The following IQCM variants were observed in gnomAD, a reference collection of about 807,000 sequenced individuals.
IQCM encodes the protein IQ motif containing M, also known as IQ domain-containing protein M.
IQCM carries 45 observed loss-of-function variants against 57.6 expected under a neutral mutation model. The observed-to-expected ratio is 0.78, with a 90% confidence interval of 0.62 to 1.00. The LOEUF (loss-of-function observed/expected upper bound fraction) is 1.00, where lower values mean the gene tolerates loss of function less well. Among genes scored for constraint, IQCM ranks in the 50% least tolerant of loss-of-function variants. The pLI is 0.00. For synonymous variants in IQCM, 148 were observed against 158.9 expected (o/e 0.93, Z 0.51); for missense variants, 468 against 511.6 (o/e 0.91, Z 0.82).
intron 7 of IQCM, among the ~76,000 whole-genome samples, chr4:149,635,217 A>G (rs984409788): frequency 9.2e-5 from 14 of 152,218 alleles, no homozygotes; most frequent in African/African-American, 3.4e-4. Context: ...GCAAGGAGGC[A>G]TATCTCAGCA....
intron 2 of IQCM, among the ~76,000 whole-genome samples, chr4:149,814,943 T>C (rs1185535286): frequency 6.6e-6 from 1 of 152,000 alleles, no homozygotes; most frequent in Non-Finnish European, 1.5e-5. Flanking sequence ...TAAAAATCTA[T>C]ATGTAAAAGA....
At chr4:149,461,968 TG>T (rs1738342400) in intron 12 of IQCM, among the ~76,000 whole-genome samples, 1 of 152,118 alleles carries the variant, frequency 6.6e-6, no homozygotes, top group African/African-American at 2.4e-5. Context: ...GTCTGTGGCC[TG>T]GGGGTTGGGG....
Position 149,581,437 on chromosome 4 carries a change from A to G in IQCM, c.749+6493T>C, listed in dbSNP as rs993271257. The stretch of plus-strand genomic sequence containing the variant: ...ACAGGTCTATCTCCCTTCTATGCCC[A>G]GAATCCCTGAAAATGACTACTTTTC... On this transcript the variant is annotated intron_variant, in intron 9 of 13. Coordinates refer to ENST00000636793, the MANE Select transcript of IQCM (RefSeq NM_001363507.2). Among the ~76,000 whole-genome samples the G allele has an allele frequency of 2.6e-5, 4 of 151,772 alleles. No homozygotes were observed. In the East Asian group the frequency reaches 7.8e-4, roughly 30 times the overall value.
At chr4:149,772,434 G>C (rs1238845968) in intron 2 of IQCM, among the ~76,000 whole-genome samples, 1 of 152,050 alleles carries the variant, frequency 6.6e-6, no homozygotes. Context: ...CAGAAAAATA[G>C]AAATGTGCAA....
At chr4:149,483,688 C>T (rs1369125937) in intron 12 of IQCM, among the ~76,000 whole-genome samples, 1 of 151,970 alleles carries the variant, frequency 6.6e-6, no homozygotes, top group Non-Finnish European at 1.5e-5. Context: ...TGTGACGTAA[C>T]ATATGGTCTC....
intron 12 of IQCM, among the ~76,000 whole-genome samples, chr4:149,436,840 T>G (rs1363278283): frequency 6.6e-6 from 1 of 152,142 alleles, no homozygotes; most frequent in Non-Finnish European, 1.5e-5. Context: ...ATATGCAATA[T>G]CTGAAGTTTT....
At chr4:149,748,919 A>C (rs1768183624) in intron 2 of IQCM, among the ~76,000 whole-genome samples, 1 of 152,366 alleles carries the variant, frequency 6.6e-6, no homozygotes, top group African/African-American at 2.4e-5. Flanking sequence ...TCAATGAAAA[A>C]TACAGGCAGT....
intron 12 of IQCM, among the ~76,000 whole-genome samples, chr4:149,445,110 G>A (rs536970231): frequency 6.6e-6 from 1 of 151,950 alleles, no homozygotes; most frequent in South Asian, 2.1e-4. Context: ...ACATTTTGGT[G>A]ACAATCAGCT....
chr4:149,761,217 A>T (rs551610681), intron 2 of IQCM, among the ~76,000 whole-genome samples: 76 of 152,270 alleles, frequency 5.0e-4, no homozygotes, highest in African/African-American at 1.8e-3. Flanking sequence ...AAAAAATCAT[A>T]AAAATCCCCT....
chr4:149,601,281 A>G (rs1754268703), intron 8 of IQCM, among the ~76,000 whole-genome samples: 1 of 152,166 alleles, frequency 6.6e-6, no homozygotes. Context: ...CACATAGAGT[A>G]GACAGGGCCA....
At chr4:149,455,134 C>G (rs566442677) in intron 12 of IQCM, among the ~76,000 whole-genome samples, 1 of 152,124 alleles carries the variant, frequency 6.6e-6, no homozygotes, top group Non-Finnish European at 1.5e-5. Context: ...ATGTATGATA[C>G]GTTTATTAGA....
intron 7 of IQCM, among the ~76,000 whole-genome samples, chr4:149,639,251 A>T (rs892978210): frequency 6.6e-6 from 1 of 151,920 alleles, no homozygotes; most frequent in African/African-American, 2.4e-5. Flanking sequence ...ACACAGGGAG[A>T]CCTGTCTCTA....
intron 2 of IQCM, among the ~76,000 whole-genome samples, chr4:149,803,716 T>C (rs901588167): frequency 1.3e-5 from 2 of 152,036 alleles, no homozygotes; most frequent in African/African-American, 4.8e-5. Flanking sequence ...TCTGTGTCTA[T>C]ATTTGCTTCT....
At chr4:149,546,010 A>T (rs1165073333) in intron 12 of IQCM, among the ~76,000 whole-genome samples, 7 of 151,704 alleles carry the variant, frequency 4.6e-5, no homozygotes, top group Admixed American at 1.3e-4. Flanking sequence ...GATGTTCCCC[A>T]CCCTGTGTCC....
chr4:149,397,888 C>T (rs1732342042), intron 13 of IQCM, among the ~76,000 whole-genome samples: 1 of 151,692 alleles, frequency 6.6e-6, no homozygotes, highest in African/African-American at 2.4e-5. Flanking sequence ...CTTTTCACTC[C>T]CGTGATTGTT....
intron 12 of IQCM, among the ~76,000 whole-genome samples, chr4:149,466,248 G>A (rs566008985): frequency 2.0e-5 from 3 of 152,288 alleles, no homozygotes; most frequent in African/African-American, 7.2e-5. Context: ...AGTGAAGGAA[G>A]TACACTGAAT....
chr4:149,795,052 C>T (rs551802297), intron 2 of IQCM, among the ~76,000 whole-genome samples: 15 of 151,984 alleles, frequency 9.9e-5, no homozygotes, highest in South Asian at 8.3e-4. Context: ...TAAATGGAAA[C>T]GCTAAAAAGA....
intron 2 of IQCM, among the ~76,000 whole-genome samples, chr4:149,773,716 G>A (rs2149993528): frequency 6.6e-6 from 1 of 152,336 alleles, no homozygotes; most frequent in South Asian, 2.1e-4. Context: ...GGGCAGAGAG[G>A]AGTTCATTTA....
intron 13 of IQCM, among the ~76,000 whole-genome samples, chr4:149,377,921 A>C (rs1730804913): frequency 1.3e-5 from 2 of 152,092 alleles, no homozygotes; most frequent in Admixed American, 6.6e-5. Context: ...TCCTCACCCA[A>C]ATCTCATCTT....
Sources: allele counts gnomAD v4.1 joint callset (sites outside exome capture counted in the v4.1 genomes callset), GRCh38; gene constraint gnomAD v4.1.1; transcripts MANE v1.5; gene names NCBI Gene and HGNC (gene_info 2026-07-23, HGNC 2026-07-21).